SIPA1L1: variants seen among roughly 807,000 people sequenced by gnomAD.
SIPA1L1 encodes the protein signal-induced proliferation-associated 1-like protein 1.
A neutral mutation model predicts 162.7 loss-of-function variants in SIPA1L1; 26 were observed. The observed-to-expected ratio is 0.16, with a 90% CI of 0.12 to 0.22. The LOEUF is 0.22. Among genes scored for constraint, SIPA1L1 ranks in the 10% least tolerant of loss-of-function variants. SIPA1L1 has a pLI of 1.00. For missense variants in SIPA1L1, 1,874 were observed against 2,241.0 expected (o/e 0.84, Z 3.31); for synonymous variants, 829 against 837.4 (o/e 0.99, Z 0.17).
intron 2 of SIPA1L1, among the ~76,000 whole-genome samples, chr14:71,344,058 A>AT (rs1486806908): frequency 1.3e-5 from 2 of 152,050 alleles, no homozygotes; most frequent in Non-Finnish European, 2.9e-5. Flanking sequence ...AGGAAAAAAC[A>AT]TTTTTTTTGA....
chr14:71,492,286 T>G (rs1156626494), intron 2 of SIPA1L1, among the ~76,000 whole-genome samples: 2 of 152,142 alleles, frequency 1.3e-5, no homozygotes, highest in Non-Finnish European at 2.9e-5. Flanking sequence ...AACTGTGGTG[T>G]TGTTTTTATT....
intron 2 of SIPA1L1, among the ~76,000 whole-genome samples, chr14:71,353,411 A>G (rs1427367803): frequency 2.0e-5 from 3 of 152,200 alleles, no homozygotes; most frequent in African/African-American, 7.2e-5. Flanking sequence ...GGTGCCTAGA[A>G]GGACATGGCT....
chr14:71,431,439 A>G (rs1387968164), intron 2 of SIPA1L1, among the ~76,000 whole-genome samples: 2 of 152,168 alleles, frequency 1.3e-5, no homozygotes, highest in East Asian at 1.9e-4. Flanking sequence ...CTCAGCTGTA[A>G]TATCAGCACT....
chr14:71,385,192 G>A (rs1259155263), intron 2 of SIPA1L1, among the ~76,000 whole-genome samples: 2 of 152,116 alleles, frequency 1.3e-5, no homozygotes, highest in African/African-American at 2.4e-5. Flanking sequence ...AAAATTGGTC[G>A]TGCTCTCAGA....
intron 2 of SIPA1L1, among the ~76,000 whole-genome samples, chr14:71,337,727 A>T (rs1339800910): frequency 1.3e-5 from 2 of 152,084 alleles, no homozygotes; most frequent in Admixed American, 1.3e-4. Context: ...GCTGAGATGG[A>T]TGGTTCACTT....
intron 2 of SIPA1L1, among the ~76,000 whole-genome samples, chr14:71,494,662 G>T (rs547268384): frequency 3.7e-4 from 56 of 151,868 alleles, no homozygotes; most frequent in African/African-American, 1.3e-3. Context: ...TAGTAGCTGG[G>T]ACTATAGGCA....
intron 4 of SIPA1L1, among the ~76,000 whole-genome samples, chr14:71,547,292 CTTTT>C (rs753714304): frequency 1.8e-5 from 2 of 111,278 alleles, no homozygotes; most frequent in South Asian, 3.4e-4. Context: ...ATGAAAATAA[CTTTT>C]TTTTTTTTTT....
At chr14:71,567,231 T>G (rs1362464823) in intron 4 of SIPA1L1, among the ~76,000 whole-genome samples, 1 of 152,192 alleles carries the variant, frequency 6.6e-6, no homozygotes, top group African/African-American at 2.4e-5. Flanking sequence ...ATGCTCCAAC[T>G]TAAACTTTCA....
intron 2 of SIPA1L1, among the ~76,000 whole-genome samples, chr14:71,471,983 G>A (rs1205970790): frequency 1.3e-5 from 2 of 152,210 alleles, no homozygotes; most frequent in African/African-American, 4.8e-5. Context: ...AAGCAGTTCA[G>A]GGCCTCTTGT....
chr14:71,550,605 T>TG (rs2055718970), intron 4 of SIPA1L1, among the ~76,000 whole-genome samples: 1 of 151,890 alleles, frequency 6.6e-6, no homozygotes, highest in Non-Finnish European at 1.5e-5. Flanking sequence ...CGTTCTGGGC[T>TG]GGTTTCTCTT....
intron 17 of SIPA1L1, among the ~76,000 whole-genome samples, chr14:71,710,347 A>G (rs1049121827): frequency 3.9e-5 from 6 of 152,182 alleles, no homozygotes; most frequent in Non-Finnish European, 8.8e-5. Flanking sequence ...AAAATCCCCA[A>G]TGTGACAAGA....
intron 2 of SIPA1L1, among the ~76,000 whole-genome samples, chr14:71,332,530 G>A (rs958459581): frequency 9.2e-5 from 14 of 152,240 alleles, no homozygotes; most frequent in African/African-American, 3.1e-4. Context: ...ATTTTATCAA[G>A]TGCTTTTCTA....
intron 7 of SIPA1L1, among the ~76,000 whole-genome samples, chr14:71,650,061 A>G (rs117871356): frequency 1.4e-3 from 208 of 152,320 alleles, no homozygotes; most frequent in Non-Finnish European, 2.5e-3. Context: ...GATTAACAGA[A>G]ATTTCCTATA....
At chr14:71,622,835 C>T (rs1226053370) in intron 6 of SIPA1L1, among the ~76,000 whole-genome samples, 1 of 152,154 alleles carries the variant, frequency 6.6e-6, no homozygotes, top group Non-Finnish European at 1.5e-5. Flanking sequence ...CCCAGTGAGG[C>T]GTGTACCACT....
At chr14:71,337,520 G>A (rs1254836850) in intron 2 of SIPA1L1, among the ~76,000 whole-genome samples, 3 of 152,206 alleles carry the variant, frequency 2.0e-5, no homozygotes, top group African/African-American at 7.2e-5. Flanking sequence ...AGGCAAGAGA[G>A]CATGTCCTGG....
intron 2 of SIPA1L1, among the ~76,000 whole-genome samples, chr14:71,435,745 C>T (rs1595449514): frequency 6.6e-6 from 1 of 152,198 alleles, no homozygotes; most frequent in East Asian, 1.9e-4. Flanking sequence ...CTTGAGGAAT[C>T]GCCATGCTGT....
At chr14:71,457,386 G>A (rs555661407) in intron 2 of SIPA1L1, among the ~76,000 whole-genome samples, 175 of 150,130 alleles carry the variant, frequency 1.2e-3, no homozygotes, top group African/African-American at 4.1e-3. Flanking sequence ...TGCAACCTCC[G>A]CCTCCCGGTT....
chr14:71,510,126 C>T (rs1453253957), intron 2 of SIPA1L1, among the ~76,000 whole-genome samples: 1 of 150,846 alleles, frequency 6.6e-6, no homozygotes, highest in Admixed American at 6.6e-5. Flanking sequence ...TCTCTTTATA[C>T]AGCTTGCTTT....
At chr14:71,423,787 T>G (rs2043361939) in intron 2 of SIPA1L1, among the ~76,000 whole-genome samples, 1 of 152,140 alleles carries the variant, frequency 6.6e-6, no homozygotes, top group South Asian at 2.1e-4. Flanking sequence ...TTGTGGCTAT[T>G]TGGGTCCCCT....
Sources: allele counts gnomAD v4.1 joint callset (sites outside exome capture counted in the v4.1 genomes callset), GRCh38; gene constraint gnomAD v4.1.1; transcripts MANE v1.5; gene names NCBI Gene and HGNC (gene_info 2026-07-23, HGNC 2026-07-21).